Variants in PCBD1 observed in about 807,000 individuals in gnomAD.
The protein encoded by PCBD1 is pterin-4 alpha-carbinolamine dehydratase 1, also known as pterin-4-alpha-carbinolamine dehydratase.
Under a neutral mutation model 12.6 loss-of-function variants are expected in PCBD1, and 16 were observed. The ratio of observed to expected loss-of-function variants is 1.27; its 90% confidence interval spans 0.86 to 1.93. The LOEUF (loss-of-function observed/expected upper bound fraction) is 1.93. Among genes scored for constraint, PCBD1 ranks in the 30% most tolerant of loss-of-function variants. PCBD1 has a pLI of 0.00. For missense variants in PCBD1, 86 were observed against 130.1 expected (o/e 0.66, Z 1.65); for synonymous variants, 53 against 50.2 (o/e 1.05, Z -0.23).
intron 1 of PCBD1, 38 bp from the exon 2 acceptor site, chr10:70,885,967 C>A (rs1846576498): frequency 6.2e-7 from 1 of 1,609,832 alleles, no homozygotes; most frequent in African/African-American, 1.3e-5. Context: ...AAGGGCATTT[C>A]TCTTTATAGG....
chr10:70,885,211 CTCTTGTCATG>C lies in PCBD1; in HGVS notation c.147_156del (p.Phe49LeufsTer26). On this transcript the variant is annotated frameshift_variant, in exon 3 of 4. Transcript: ENST00000299299. LOFTEE classifies it high-confidence loss of function. Reference sequence around the variant, plus strand: ...TCCAGTTTCTCAGCCTGCAGGGCCACTCTTGTCATGAACCCAAAGGCCTATTTAAGTGGAG... The same window carrying C: ...TCCAGTTTCTCAGCCTGCAGGGCCACAACCCAAAGGCCTATTTAAGTGGAG... 1.9e-6 allele frequency: 3 copies of C among 1,614,072 alleles called. No homozygotes were observed. Among genetic ancestry groups the C allele is most frequent in the Non-Finnish European group, 2.5e-6 (3 of 1,179,944 alleles).
intron 1 of PCBD1, among the ~76,000 whole-genome samples, chr10:70,887,199 G>A (rs746696234): frequency 1.3e-5 from 2 of 152,082 alleles, no homozygotes; most frequent in Non-Finnish European, 2.9e-5. Context: ...CTGCTATAAA[G>A]CAAATGTCAT....
intron 3 of PCBD1, among the ~76,000 whole-genome samples, chr10:70,884,690 G>C (rs1194595723): frequency 1.3e-5 from 2 of 152,008 alleles, no homozygotes; most frequent in Non-Finnish European, 2.9e-5. Context: ...CACCATGTTA[G>C]CCAGGAGGGT....
intron 3 of PCBD1, 139 bp from the exon 4 acceptor site, chr10:70,884,187 A>T: frequency 2.6e-6 from 2 of 771,856 alleles, no homozygotes; most frequent in South Asian, 2.9e-5. Context: ...CTCCTTCCTG[A>T]CATGTCTGTA....
chr10:70,887,366 C>T (rs1184720385), intron 1 of PCBD1, among the ~76,000 whole-genome samples: 2 of 152,148 alleles, frequency 1.3e-5, no homozygotes, highest in Non-Finnish European at 2.9e-5. Context: ...ACTGATGTAG[C>T]TTGGCCCCTC....
rs192939093 is a variant in PCBD1, at chr10:70,885,706, T to C, written c.135+92A>G. 1,280 of 1,522,402 alleles carry C rather than the reference T, an allele frequency of 8.4e-4. 2 individuals carry two copies. Among genetic ancestry groups the C allele is most frequent in the Non-Finnish European group, 1.0e-3 (1,114 of 1,106,790 alleles). The allele number at this position is 1,522,402 out of a possible 1,614,324, so 94.3% of individuals were successfully genotyped here. On this transcript the variant is annotated intron_variant, in intron 2 of 3. Transcript: ENST00000299299. ...TGGATGAGTGTGGTGTCTGAGAGTC[T>C]TGGCTAACAAGACGTGAAGGGAGAG...
intron 3 of PCBD1, among the ~76,000 whole-genome samples, chr10:70,884,523 C>T (rs1438618626): frequency 7.3e-6 from 1 of 136,248 alleles, no homozygotes; most frequent in African/African-American, 2.8e-5. Context: ...GCTCTGTCTC[C>T]CAGGCTGGAG....
intron 1 of PCBD1, 78 bp downstream of exon 1, chr10:70,888,452 CG>C: frequency 7.0e-7 from 1 of 1,432,144 alleles, no homozygotes; most frequent in Non-Finnish European, 9.2e-7. Flanking sequence ...GACTTTCCCC[CG>C]CCCCTTCCCG....
chr10:70,884,010 A>AC lies in PCBD1; in HGVS notation c.254_255insG (p.Ser86PhefsTer27), dbSNP rs1221705180. ...TGGCCAGGTTTATGTCCCGTTCTGAAAGGCCGGCACACTCATGGGTGCTCA... is the reference window on the plus strand; with the variant it reads ...TGGCCAGGTTTATGTCCCGTTCTGAACAGGCCGGCACACTCATGGGTGCTCA... On this transcript the variant is annotated frameshift_variant, in exon 4 of 4. Transcript: ENST00000299299. LOFTEE classifies it high-confidence loss of function. 7.4e-6 allele frequency: 12 copies of AC among 1,614,004 alleles called. No homozygotes were observed. Among genetic ancestry groups the AC allele is most frequent in the Non-Finnish European group, 1.0e-5 (12 of 1,180,024 alleles).
In PCBD1 at chr10:70,888,562, A is replaced by G. The variant is rs1461146414; in HGVS notation, c.-29T>C. On this transcript the variant is annotated 5_prime_UTR_variant, in exon 1 of 4. Transcript: ENST00000299299. Reference sequence around the variant, plus strand: ...GCGGGCGGCAGCAGGTGGCCAGCGGAGAGGGCAGGCGGCGGCCGGGCGCGC... The same window carrying G: ...GCGGGCGGCAGCAGGTGGCCAGCGGGGAGGGCAGGCGGCGGCCGGGCGCGC... The G allele has an allele frequency of 3.3e-6, 4 of 1,224,762 alleles. No individual in the cohort carries two copies. Among genetic ancestry groups the G allele is most frequent in the Non-Finnish European group, 4.1e-6 (4 of 982,996 alleles). 75.9% of individuals were successfully genotyped at this position (1,224,762 alleles called of 1,614,324 possible).
intron 3 of PCBD1, 46 bp downstream of exon 3, chr10:70,885,106 A>G: frequency 6.6e-7 from 1 of 1,514,938 alleles, no homozygotes; most frequent in Non-Finnish European, 9.2e-7. Context: ...AGTTCGCAGT[A>G]TTTGGATGGG....
At chr10:70,883,264 T>C (rs1310257253), downstream of PCBD1, among the ~76,000 whole-genome samples, 1 of 152,256 alleles carries the variant, frequency 6.6e-6, no homozygotes, top group Non-Finnish European at 1.5e-5. Context: ...ATTAATTCAC[T>C]CTAGTAATAG....
downstream of PCBD1, among the ~76,000 whole-genome samples, chr10:70,883,144 C>T (rs527690487): frequency 4.3e-4 from 66 of 152,308 alleles, 1 homozygote; most frequent in South Asian, 0.013. Flanking sequence ...CTCTGCCTCC[C>T]AAGAATCCTA....
chr10:70,888,506 C>T (rs1340611478), intron 1 of PCBD1, 25 bp downstream of exon 1: 14 of 1,443,606 alleles, frequency 9.7e-6, no homozygotes, highest in Non-Finnish European at 1.3e-5. Flanking sequence ...CTGCCCCGAT[C>T]GCGGCCGCGC....
chr10:70,887,888 T>G (rs890545215), intron 1 of PCBD1: 11 of 152,368 alleles, frequency 7.2e-5, no homozygotes, highest in African/African-American at 2.7e-4. Context: ...AATGGTCTGA[T>G]GAAGCTCGCG....
chr10:70,884,180 C>T (rs547639561), intron 3 of PCBD1, 132 bp from the exon 4 acceptor site: 268 of 813,078 alleles, frequency 3.3e-4, no homozygotes, highest in Admixed American at 9.3e-4. Flanking sequence ...CTGGGGACTC[C>T]TTCCTGACAT....
At chr10:70,887,028 T>G (rs12769766) in intron 1 of PCBD1, among the ~76,000 whole-genome samples, 1 of 152,018 alleles carries the variant, frequency 6.6e-6, no homozygotes, top group Non-Finnish European at 1.5e-5. Context: ...TTGATTTAGC[T>G]TTTATGAGGC....
chr10:70,887,676 C>T (rs2854615), intron 1 of PCBD1, among the ~76,000 whole-genome samples: 25,146 of 152,138 alleles, frequency 0.17, 2,612 homozygotes, highest in South Asian at 0.27. Context: ...TTCCAGGTGC[C>T]GGCTCTGGAG....
chr10:70,888,489 G>A, intron 1 of PCBD1, 42 bp downstream of exon 1: 2 of 1,456,022 alleles, frequency 1.4e-6, no homozygotes, highest in Non-Finnish European at 1.8e-6. Flanking sequence ...CGGCTGCCCC[G>A]GCCCCGCTGC....
Sources: gnomAD v4.1 joint callset for allele counts (sites outside exome capture counted in the v4.1 genomes callset) on GRCh38, gnomAD v4.1.1 for gene constraint, MANE v1.5 for transcripts, NCBI Gene and HGNC (gene_info 2026-07-23, HGNC 2026-07-21) for gene names.